PKHD1: variants seen among roughly 807,000 people sequenced by gnomAD.
The protein encoded by PKHD1 is PKHD1 ciliary IPT domain containing fibrocystin/polyductin.
In PKHD1, 291 loss-of-function variants were observed where a neutral mutation model predicts 412.0. The ratio of observed to expected loss-of-function variants is 0.71; its 90% CI spans 0.64 to 0.78. PKHD1 has a LOEUF of 0.78. Ranked by LOEUF, PKHD1 falls within the 30% of genes least tolerant of loss-of-function variation. PKHD1 has a pLI of 0.00. For synonymous variants in PKHD1, 1,777 were observed against 1,821.5 expected (o/e 0.98, Z 0.62); for missense variants, 4,825 against 4,950.7 (o/e 0.97, Z 0.76).
intron 62 of PKHD1, among the ~76,000 whole-genome samples, chr6:51,648,780 T>C (rs941797947): frequency 6.6e-6 from 1 of 152,220 alleles, no homozygotes; most frequent in Non-Finnish European, 1.5e-5. Context: ...TAGATCTACT[T>C]CTTTGTGAAG....
chr6:52,059,259 CTTTTTTTTT>C (rs55992586), intron 15 of PKHD1, among the ~76,000 whole-genome samples: 21 of 83,526 alleles, frequency 2.5e-4, no homozygotes, highest in African/African-American at 1.0e-3. Flanking sequence ...TTTTCTTTTT[CTTTTTTTTT>C]TTTTTTTTTT....
rs184632685 is a variant in PKHD1 at position 51,841,203 on chromosome 6, A to G, written c.8108-4734T>C. 8.5e-4 allele frequency among the ~76,000 whole-genome samples: 130 copies of G among 152,324 alleles called. 1 individual carries two copies. The highest frequency in any genetic ancestry group is 3.0e-3 in the African/African-American group (123 of 41,582). On this transcript the variant is annotated intron_variant, in intron 50 of 66. Transcript: ENST00000371117. ...AAGCTCAGATTTAAAAAAAGAAAAGATGGTATACTAGAAAAAGCACTGAAC... is the reference window on the plus strand; with the variant it reads ...AAGCTCAGATTTAAAAAAAGAAAAGGTGGTATACTAGAAAAAGCACTGAAC...
Position 51,641,812 on chromosome 6 carries a change from T to C in PKHD1, c.11399-2856A>G, listed in dbSNP as rs1769393321. On this transcript the variant is annotated intron_variant, in intron 63 of 66. Transcript: ENST00000371117. ...CAGGAACAGAAAACCAAACATAGCA[T>C]GTTCTCACATAGGAGAAGTGGGAGT... Among the ~76,000 whole-genome samples, 4 of 152,168 alleles carry C rather than the reference T, an allele frequency of 2.6e-5. No individual in the cohort carries two copies. The South Asian group carries it at 8.3e-4, about 31-fold the overall frequency.
intron 60 of PKHD1, among the ~76,000 whole-genome samples, chr6:51,671,023 G>T (rs1774869372): frequency 1.3e-5 from 2 of 151,934 alleles, no homozygotes; most frequent in Non-Finnish European, 2.9e-5. Flanking sequence ...ACAATTATGT[G>T]TCTTGGAGTT....
chr6:52,000,704 ATGG>A (rs1798264236), intron 35 of PKHD1, among the ~76,000 whole-genome samples: 1 of 152,226 alleles, frequency 6.6e-6, no homozygotes, highest in Non-Finnish European at 1.5e-5. Context: ...AAACTCCTAT[ATGG>A]TGATGTAATA....
At chr6:51,767,151 G>A (rs1789188126) in intron 55 of PKHD1, among the ~76,000 whole-genome samples, 1 of 151,752 alleles carries the variant, frequency 6.6e-6, no homozygotes, top group African/African-American at 2.4e-5. Flanking sequence ...GCATGACTGT[G>A]TTTATTTCTT....
chr6:51,884,773 G>A (rs775248761), intron 45 of PKHD1, among the ~76,000 whole-genome samples: 8 of 151,990 alleles, frequency 5.3e-5, no homozygotes, highest in Non-Finnish European at 8.8e-5. Context: ...TCAAGAGCAG[G>A]GAGACAGAGT....
At chr6:51,804,040 GT>G (rs772374450) in intron 52 of PKHD1, among the ~76,000 whole-genome samples, 2 of 151,414 alleles carry the variant, frequency 1.3e-5, no homozygotes, top group South Asian at 2.1e-4. Flanking sequence ...GAACAAAGAA[GT>G]AGATGTGAAG....
intron 36 of PKHD1, among the ~76,000 whole-genome samples, chr6:51,950,604 A>C (rs1344050304): frequency 6.6e-6 from 1 of 152,096 alleles, no homozygotes; most frequent in Non-Finnish European, 1.5e-5. Flanking sequence ...AGAGCTCCCA[A>C]ATTTACAGTT....
intron 35 of PKHD1, among the ~76,000 whole-genome samples, chr6:51,983,741 T>C (rs1319908886): frequency 6.6e-6 from 1 of 152,246 alleles, no homozygotes; most frequent in Non-Finnish European, 1.5e-5. Flanking sequence ...CTAAAATCAC[T>C]ATTAATGAGC....
intron 46 of PKHD1, among the ~76,000 whole-genome samples, chr6:51,871,048 G>A (rs1467531397): frequency 2.0e-5 from 3 of 152,162 alleles, no homozygotes; most frequent in African/African-American, 7.2e-5. Flanking sequence ...TGATGAGGAT[G>A]AGAAAGTATT....
At chr6:51,855,198 C>T (rs1168005268) in intron 49 of PKHD1, among the ~76,000 whole-genome samples, 1 of 152,004 alleles carries the variant, frequency 6.6e-6, no homozygotes, top group African/African-American at 2.4e-5. Context: ...TGGGCCACCG[C>T]ACCACACTGC....
intron 36 of PKHD1, among the ~76,000 whole-genome samples, chr6:51,951,798 A>T (rs905422624): frequency 6.6e-6 from 1 of 152,156 alleles, no homozygotes. Flanking sequence ...GGATATAGGG[A>T]TCATTAATGA....
intron 37 of PKHD1, among the ~76,000 whole-genome samples, chr6:51,933,292 C>T (rs1320360764): frequency 2.6e-5 from 4 of 152,138 alleles, no homozygotes; most frequent in Non-Finnish European, 5.9e-5. Context: ...TGGAGTAGAA[C>T]ACACTGTAGC....
At chr6:51,890,153 C>T (rs1281699521) in intron 43 of PKHD1, among the ~76,000 whole-genome samples, 1 of 152,018 alleles carries the variant, frequency 6.6e-6, no homozygotes, top group Admixed American at 6.6e-5. Flanking sequence ...ATTATTATTA[C>T]AGTTTCATAG....
chr6:52,050,073 T>G, intron 22 of PKHD1, 84 bp downstream of exon 22: 1 of 1,338,640 alleles, frequency 7.5e-7, no homozygotes, highest in Non-Finnish European at 1.1e-6. Flanking sequence ...AGGTAGCTTT[T>G]CCTGAAAAAA....
At chr6:51,745,204 T>A (rs1306052406) in intron 59 of PKHD1, among the ~76,000 whole-genome samples, 2 of 152,184 alleles carry the variant, frequency 1.3e-5, no homozygotes, top group African/African-American at 4.8e-5. Flanking sequence ...AAGATTCAGC[T>A]GTTAATATCA....
intron 36 of PKHD1, among the ~76,000 whole-genome samples, chr6:51,945,534 G>A (rs1157878442): frequency 6.6e-6 from 1 of 152,212 alleles, no homozygotes; most frequent in African/African-American, 2.4e-5. Context: ...GACACTAATG[G>A]AGGCACAAGG....
At position 51,941,404 on chromosome 6, in the gene PKHD1, C is replaced by T. The variant is rs1241115433; in HGVS notation, c.5909-7082G>A. 4.2e-4 allele frequency among the ~76,000 whole-genome samples: 62 copies of T among 149,260 alleles called. 2 individuals carry two copies. The East Asian group carries it at 6.3e-3, about 15-fold the overall frequency. On this transcript the variant is annotated intron_variant, in intron 36 of 66. Coordinates refer to ENST00000371117, the MANE Select transcript of PKHD1 (RefSeq NM_138694.4). Reference sequence around the variant, plus strand: ...CCGAGTAGCTGGGACTACAGGCGCCCGCCACCGCGCCCGGCTAATTTTTTG... The same window carrying T: ...CCGAGTAGCTGGGACTACAGGCGCCTGCCACCGCGCCCGGCTAATTTTTTG...
Sources: allele counts gnomAD v4.1 joint callset (sites outside exome capture counted in the v4.1 genomes callset), GRCh38; gene constraint gnomAD v4.1.1; transcripts MANE v1.5; gene names NCBI Gene and HGNC (gene_info 2026-07-23, HGNC 2026-07-21).